Variants in RRBP1 observed in about 807,000 individuals in gnomAD.
RRBP1 encodes ribosome binding protein 1, also known as ribosome-binding protein 1.
RRBP1 carries 94 observed loss-of-function variants against 165.2 expected under a neutral mutation model. That is an observed-to-expected ratio of 0.57 (90% confidence interval 0.48 to 0.68). The LOEUF (loss-of-function observed/expected upper bound fraction) is 0.68, where lower values mean the gene tolerates loss of function less well. RRBP1 is among the 30% of genes least tolerant of loss of function. The probability of loss-of-function intolerance (pLI) is 0.00; values close to 1 mark genes in which losing one functional copy is unlikely to be tolerated. For missense variants in RRBP1, 1,676 were observed against 1,763.0 expected (o/e 0.95, Z 0.88); for synonymous variants, 680 against 714.5 (o/e 0.95, Z 0.77).
intron 2 of RRBP1, 109 bp downstream of exon 2, chr20:17,679,890 C>T (rs149124779): frequency 6.6e-6 from 1 of 152,214 alleles, no homozygotes; most frequent in Non-Finnish European, 1.5e-5. Flanking sequence ...CCCAAGATCC[C>T]TTTCTGGTTT....
At chr20:17,619,775 C>G (rs1409307786) in intron 18 of RRBP1, 47 bp from the exon 19 acceptor site, 1 of 1,414,370 alleles carries the variant, frequency 7.1e-7, no homozygotes, top group Non-Finnish European at 9.7e-7. Context: ...GCAGCCTCTG[C>G]TCAAAGGGCA....
At chr20:17,665,514 G>T (rs933131383) in intron 2 of RRBP1, among the ~76,000 whole-genome samples, 1 of 152,196 alleles carries the variant, frequency 6.6e-6, no homozygotes, top group African/African-American at 2.4e-5. Context: ...TGGGATTACA[G>T]GCGTGTGTCA....
At chr20:17,674,701 G>A (rs1229279192) in intron 2 of RRBP1, among the ~76,000 whole-genome samples, 1 of 152,122 alleles carries the variant, frequency 6.6e-6, no homozygotes, top group Non-Finnish European at 1.5e-5. Flanking sequence ...AGAGCTTGCA[G>A]TGAGCTGAGA....
At chr20:17,653,350 C>A (rs954826792) in intron 3 of RRBP1, among the ~76,000 whole-genome samples, 1 of 152,242 alleles carries the variant, frequency 6.6e-6, no homozygotes, top group African/African-American at 2.4e-5. Context: ...TTCTTGCACA[C>A]GCCACCTGGC....
At chr20:17,672,302 A>G (rs963151302) in intron 2 of RRBP1, among the ~76,000 whole-genome samples, 2 of 152,256 alleles carry the variant, frequency 1.3e-5, no homozygotes, top group Non-Finnish European at 2.9e-5. Flanking sequence ...TCCTTGGAGA[A>G]GAGCTGCATT....
intron 1 of RRBP1, 68 bp downstream of exon 1, chr20:17,681,960 G>A (rs1342222159): frequency 6.8e-6 from 1 of 147,782 alleles, no homozygotes. Context: ...GGCGCAGCGC[G>A]GCCGGCCCCG....
At chr20:17,680,163 T>C (rs1259356918) in intron 1 of RRBP1, 88 bp from the exon 2 acceptor site, 1 of 152,204 alleles carries the variant, frequency 6.6e-6, no homozygotes, top group African/African-American at 2.4e-5. Flanking sequence ...GTAAGTGACA[T>C]GCTGCAGGGT....
chr20:17,636,526 C>A (rs1362635434), intron 6 of RRBP1, 51 bp downstream of exon 6: 18 of 1,592,040 alleles, frequency 1.1e-5, no homozygotes, highest in Non-Finnish European at 1.5e-5. Flanking sequence ...CCGTCCTGGA[C>A]CTGGACTGGG....
At chr20:17,679,837 G>T (rs2037146030) in intron 2 of RRBP1, among the ~76,000 whole-genome samples, 162 bp downstream of exon 2, 1 of 152,186 alleles carries the variant, frequency 6.6e-6, no homozygotes, top group South Asian at 2.1e-4. Flanking sequence ...TATGAAAGGT[G>T]AGAGTTGTTA....
At chr20:17,635,480 G>C (rs533980852) in intron 7 of RRBP1, 66 bp downstream of exon 7, 16 of 1,223,746 alleles carry the variant, frequency 1.3e-5, no homozygotes, top group Non-Finnish European at 1.7e-5. Context: ...CCTGGCCGCA[G>C]CCTCGTGAAG....
chr20:17,675,634 C>A (rs1219530690), intron 2 of RRBP1, among the ~76,000 whole-genome samples: 1 of 152,176 alleles, frequency 6.6e-6, no homozygotes, highest in African/African-American at 2.4e-5. Flanking sequence ...CAGCCATGTG[C>A]CATCTAAGGA....
intron 13 of RRBP1, among the ~76,000 whole-genome samples, chr20:17,624,140 G>A (rs1568756456): frequency 6.6e-6 from 1 of 152,256 alleles, no homozygotes; most frequent in Non-Finnish European, 1.5e-5. Flanking sequence ...CATCAAGGGG[G>A]CACCCCCATC....
Position 17,682,186 on chromosome 20 carries a change from C to G in RRBP1, c.-257G>C, listed in dbSNP as rs1286965983. ...CCCTGACGCCGCCCGCCCCGTCTGC[C>G]GTCCGCTCCGGCCGCTCGCTGGCTG... On this transcript the variant is annotated 5_prime_UTR_variant, in exon 1 of 25. Transcript: ENST00000377813. 2 of 152,376 alleles carry G rather than the reference C, an allele frequency of 1.3e-5. No individual in the cohort carries two copies. The highest frequency in any genetic ancestry group is 2.4e-5 in the African/African-American group (1 of 41,466). The allele number at this position is 152,376 out of a possible 1,614,324, so 9.4% of individuals were successfully genotyped here.
intron 5 of RRBP1, among the ~76,000 whole-genome samples, chr20:17,641,032 A>C (rs541072723): frequency 9.9e-5 from 15 of 152,252 alleles, no homozygotes; most frequent in African/African-American, 3.6e-4. Flanking sequence ...GACGGCTTTC[A>C]ACAGGGCCTG....
At chr20:17,667,655 T>C (rs1452885539) in intron 2 of RRBP1, among the ~76,000 whole-genome samples, 1 of 152,214 alleles carries the variant, frequency 6.6e-6, no homozygotes. Flanking sequence ...CCCCATGACA[T>C]GAGCCCCCAT....
At chr20:17,666,242 CG>C (rs2122478114) in intron 2 of RRBP1, among the ~76,000 whole-genome samples, 1 of 151,928 alleles carries the variant, frequency 6.6e-6, no homozygotes, top group East Asian at 1.9e-4. Flanking sequence ...CACAGTGGTT[CG>C]TGTCTGTAGT....
Position 17,625,570 on chromosome 20 carries a change from AGACCC to A in RRBP1, c.2991_2995del (p.Leu999GlufsTer19). ...CCTGAGCTCGATGGCCTCCTTCTCC[AGACCC>A]GACACCTGGGACTCCAGCTCCTTGA... On this transcript the variant is annotated frameshift_variant, in exon 12 of 25. Coordinates refer to ENST00000377813, the MANE Select transcript of RRBP1 (RefSeq NM_001365613.2). LOFTEE classifies it high-confidence loss of function. 6.2e-7 allele frequency: 1 copy of A among 1,613,892 alleles called. No individual in the cohort carries two copies. The highest frequency in any genetic ancestry group is 8.5e-7 in the Non-Finnish European group (1 of 1,179,908).
rs555632902 is a variant in RRBP1 at position 17,647,047 on chromosome 20, G to A, written c.1913-3920C>T. Among the ~76,000 whole-genome samples the A allele has an allele frequency of 3.9e-5, 6 of 152,304 alleles. No homozygotes were observed. In the South Asian group the frequency reaches 6.2e-4, roughly 16 times the overall value. Reference sequence around the variant, plus strand: ...TGGTGGTTAATAGGAGGGGATTATCGCCTTGGCCCTGGGATGGGCCCCACA... The same window carrying A: ...TGGTGGTTAATAGGAGGGGATTATCACCTTGGCCCTGGGATGGGCCCCACA... On this transcript the variant is annotated intron_variant, in intron 3 of 24. Coordinates refer to ENST00000377813, the MANE Select transcript of RRBP1 (RefSeq NM_001365613.2).
Position 17,660,124 on chromosome 20 carries a change from G to A in RRBP1, c.384C>T (p.Pro128=). The change falls in exon 3 of 25, where the codon CCC becomes CCT. Residue 128 remains proline (P), a synonymous_variant. Coordinates refer to ENST00000377813, the MANE Select transcript of RRBP1 (RefSeq NM_001365613.2). ...VAPVATVPAM[P]QEKLASSPKD... ...TGGGGGAGGAGGCCAGCTTCTCCTG[G>A]GGCATGGCTGGAACTGTGGCGACAG... is the stretch of plus-strand genomic sequence containing the variant. 1 of 1,614,122 alleles carries A rather than the reference G, an allele frequency of 6.2e-7. No individual in the cohort carries two copies. The highest frequency in any genetic ancestry group is 1.3e-5 in the African/African-American group (1 of 75,002).
Sources: allele counts gnomAD v4.1 joint callset (sites outside exome capture counted in the v4.1 genomes callset), GRCh38; gene constraint gnomAD v4.1.1; transcripts MANE v1.5; gene names NCBI Gene and HGNC (gene_info 2026-07-23, HGNC 2026-07-21).